Variants in SNX13 observed in about 807,000 individuals in gnomAD.
SNX13 encodes sorting nexin 13.
A neutral mutation model predicts 133.6 loss-of-function variants in SNX13; 45 were observed. The ratio of observed to expected loss-of-function variants is 0.34; its 90% CI spans 0.27 to 0.43. The LOEUF (loss-of-function observed/expected upper bound fraction) is 0.43, where lower values mean the gene tolerates loss of function less well. Ranked by LOEUF, SNX13 falls within the 20% of genes least tolerant of loss-of-function variation. SNX13 has a pLI of 1.00. For missense variants in SNX13, 1,032 were observed against 1,145.1 expected, an observed-to-expected ratio of 0.90 and a Z score of 1.43; for synonymous variants, 414 against 373.9, an observed-to-expected ratio of 1.11 and a Z score of -1.24.
intron 20 of SNX13, among the ~76,000 whole-genome samples, chr7:17,809,549 T>C (rs1785755165): frequency 6.6e-6 from 1 of 152,124 alleles, no homozygotes; most frequent in East Asian, 1.9e-4. Flanking sequence ...CTGTCAATAT[T>C]AGACAGATCA....
intron 16 of SNX13, 129 bp from the exon 17 acceptor site, chr7:17,826,220 C>A: frequency 4.0e-6 from 2 of 504,506 alleles, no homozygotes. Context: ...TATTTGTATA[C>A]CCTCCATCCC....
intron 3 of SNX13, 114 bp from the exon 4 acceptor site, chr7:17,891,749 T>C: frequency 1.5e-6 from 1 of 649,064 alleles, no homozygotes; most frequent in Non-Finnish European, 2.6e-6. Flanking sequence ...AGTAAATAAA[T>C]AACCTTATTT....
At chr7:17,836,409 C>T (rs971756511) in intron 13 of SNX13, among the ~76,000 whole-genome samples, 12 of 151,924 alleles carry the variant, frequency 7.9e-5, no homozygotes, top group African/African-American at 2.4e-4. Flanking sequence ...CCCACCTACT[C>T]GGGAGTCTGA....
chr7:17,926,083 G>A (rs1800719937), intron 1 of SNX13, among the ~76,000 whole-genome samples: 2 of 152,062 alleles, frequency 1.3e-5, no homozygotes, highest in Admixed American at 1.3e-4. Flanking sequence ...AAATAGTTGA[G>A]CTATAATAAC....
intron 1 of SNX13, among the ~76,000 whole-genome samples, chr7:17,920,515 G>A (rs1800011039): frequency 6.6e-6 from 1 of 152,118 alleles, no homozygotes; most frequent in African/African-American, 2.4e-5. Context: ...AGCACTCTGT[G>A]GGCGGTGATG....
chr7:17,797,000 T>C (rs1402420410), intron 24 of SNX13, 61 bp from the exon 25 acceptor site: 4 of 1,233,140 alleles, frequency 3.2e-6, no homozygotes, highest in Non-Finnish European at 4.7e-6. Context: ...TACAAGTTGA[T>C]AAAATTATTT....
At chr7:17,893,940 T>G (rs1252036701) in intron 2 of SNX13, among the ~76,000 whole-genome samples, 1 of 135,360 alleles carries the variant, frequency 7.4e-6, no homozygotes, top group Non-Finnish European at 1.6e-5. Context: ...CCACTGCACT[T>G]GAGCCTGGGT....
At chr7:17,874,167 G>GT (rs1361719035) in intron 7 of SNX13, among the ~76,000 whole-genome samples, 1 of 152,124 alleles carries the variant, frequency 6.6e-6, no homozygotes, top group Non-Finnish European at 1.5e-5. Flanking sequence ...TGAACAAAGA[G>GT]TCTGAACTGC....
chr7:17,801,941 C>T (rs1156909566), intron 21 of SNX13, among the ~76,000 whole-genome samples: 1 of 151,976 alleles, frequency 6.6e-6, no homozygotes, highest in East Asian at 1.9e-4. Context: ...TAAGAAAGGT[C>T]AAATGACTTG....
intron 2 of SNX13, among the ~76,000 whole-genome samples, chr7:17,894,189 G>C (rs1796954726): frequency 6.6e-6 from 1 of 151,796 alleles, no homozygotes; most frequent in South Asian, 2.1e-4. Flanking sequence ...TGTAATCCCA[G>C]CTACTCAGGA....
chr7:17,864,340 TA>T, intron 9 of SNX13, among the ~76,000 whole-genome samples: 1 of 152,176 alleles, frequency 6.6e-6, no homozygotes. Flanking sequence ...GCTGAAATAA[TA>T]AACAAACTCT....
Position 17,940,346 on chromosome 7 carries a change from A to G in SNX13, c.-51T>C. Reference sequence around the variant, plus strand: ...CTCCCTAGCCTCGCCTCATGGCAACAGCCGTAGCAGCAGCGAAAACTGCTC... The same window carrying G: ...CTCCCTAGCCTCGCCTCATGGCAACGGCCGTAGCAGCAGCGAAAACTGCTC... On this transcript the variant is annotated 5_prime_UTR_variant, in exon 1 of 26. Coordinates refer to ENST00000428135, the MANE Select transcript of SNX13 (RefSeq NM_015132.5). 6.4e-7 allele frequency: 1 copy of G among 1,555,684 alleles called. No individual in the cohort carries two copies. The highest frequency in any genetic ancestry group is 8.7e-7 in the Non-Finnish European group (1 of 1,149,460).
intron 1 of SNX13, among the ~76,000 whole-genome samples, chr7:17,921,105 T>C (rs1315476372): frequency 6.6e-6 from 1 of 152,108 alleles, no homozygotes; most frequent in African/African-American, 2.4e-5. Context: ...TCTCCTTAGA[T>C]CTTGCACAAT....
At chr7:17,919,277 A>C (rs1799877080) in intron 1 of SNX13, among the ~76,000 whole-genome samples, 1 of 152,156 alleles carries the variant, frequency 6.6e-6, no homozygotes, top group Non-Finnish European at 1.5e-5. Flanking sequence ...GTCCATATAC[A>C]CCTAAAAATC....
intron 1 of SNX13, among the ~76,000 whole-genome samples, chr7:17,926,369 A>T (rs1339028667): frequency 6.6e-6 from 1 of 152,210 alleles, no homozygotes. Flanking sequence ...TCTGGCTTAA[A>T]AAAAGGTAAA....
At chr7:17,796,234 C>T (rs962418044) in intron 25 of SNX13, 1 of 151,810 alleles carries the variant, frequency 6.6e-6, no homozygotes, top group Non-Finnish European at 1.5e-5. Context: ...TAGCTATACC[C>T]TAATGAAGCA....
chr7:17,814,334 C>A (rs1421336987), intron 20 of SNX13, among the ~76,000 whole-genome samples: 1 of 152,142 alleles, frequency 6.6e-6, no homozygotes, highest in Non-Finnish European at 1.5e-5. Flanking sequence ...TTCTTACCCA[C>A]TAAGCTATCC....
intron 20 of SNX13, among the ~76,000 whole-genome samples, chr7:17,808,445 T>A (rs956448849): frequency 6.6e-6 from 1 of 152,042 alleles, no homozygotes; most frequent in Non-Finnish European, 1.5e-5. Context: ...CCAAGAAATA[T>A]GAGACTATGA....
chr7:17,906,475 G>GT (rs1419687100), intron 1 of SNX13, among the ~76,000 whole-genome samples: 1 of 151,730 alleles, frequency 6.6e-6, no homozygotes, highest in African/African-American at 2.4e-5. Context: ...CAAAATTTTA[G>GT]TTGATATGGT....
Sources: allele counts gnomAD v4.1 joint callset (sites outside exome capture counted in the v4.1 genomes callset), GRCh38; gene constraint gnomAD v4.1.1; transcripts MANE v1.5; gene names NCBI Gene and HGNC (gene_info 2026-07-23, HGNC 2026-07-21).